Variants in HNF4G observed in about 807,000 individuals in gnomAD.
HNF4G encodes the protein hepatocyte nuclear factor 4 gamma, also known as hepatocyte nuclear factor 4-gamma.
Under a neutral mutation model 50.9 loss-of-function variants are expected in HNF4G, and 21 were observed. That is an observed-to-expected ratio of 0.41 (90% confidence interval 0.29 to 0.59). The LOEUF (loss-of-function observed/expected upper bound fraction) is 0.59, where lower values mean the gene tolerates loss of function less well. Among genes scored for constraint, HNF4G ranks in the 20% least tolerant of loss-of-function variants. The pLI, the probability that HNF4G is intolerant of heterozygous loss-of-function variation, is 0.26. For missense variants in HNF4G, 527 were observed against 559.4 expected, an observed-to-expected ratio of 0.94 and a Z score of 0.58; for synonymous variants, 198 against 185.6, an observed-to-expected ratio of 1.07 and a Z score of -0.54.
chr8:75,528,707 G>C (rs1020336088), intron 2 of HNF4G, among the ~76,000 whole-genome samples: 1 of 149,928 alleles, frequency 6.7e-6, no homozygotes, highest in East Asian at 2.7e-4. Flanking sequence ...TTACCTCTCT[G>C]TTTGGATTTA....
At chr8:75,560,660 G>A (rs1807284794) in intron 9 of HNF4G, among the ~76,000 whole-genome samples, 194 bp downstream of exon 9, 1 of 152,036 alleles carries the variant, frequency 6.6e-6, no homozygotes, top group African/African-American at 2.4e-5. Flanking sequence ...TTCCTAAAAT[G>A]AAAATGAAAG....
At chr8:75,528,200 G>A (rs1806231651) in intron 2 of HNF4G, among the ~76,000 whole-genome samples, 1 of 152,158 alleles carries the variant, frequency 6.6e-6, no homozygotes, top group African/African-American at 2.4e-5. Flanking sequence ...TCTTATCCAT[G>A]TCTTGGTACT....
chr8:75,515,708 T>A (rs543239503), intron 2 of HNF4G, among the ~76,000 whole-genome samples: 1 of 151,692 alleles, frequency 6.6e-6, no homozygotes, highest in South Asian at 2.1e-4. Flanking sequence ...TCTGACTTTT[T>A]CTTCTATTTG....
Position 75,454,025 on chromosome 8 carries a change from TTC to T in HNF4G, c.-143-36037_-143-36036del, listed in dbSNP as rs58676228. 3.7e-3 allele frequency among the ~76,000 whole-genome samples: 493 copies of T among 133,770 alleles called. 6 individuals are homozygous for T. Among genetic ancestry groups the T allele is most frequent in the African/African-American group, 8.2e-3 (287 of 35,142 alleles). The allele number at this position is 133,770 out of a possible 152,430, so 87.8% of individuals were successfully genotyped here. ...TAATTGCTTTATAAGAAGAAGAAATTTCTCTCTCTCTCTCTCTCTCTCTCTCT... is the reference window on the plus strand; with the variant it reads ...TAATTGCTTTATAAGAAGAAGAAATTTCTCTCTCTCTCTCTCTCTCTCTCT... On this transcript the variant is annotated intron_variant, in intron 1 of 10. Transcript: ENST00000354370.
chr8:75,413,876 A>G (rs2130467949), intron 1 of HNF4G, among the ~76,000 whole-genome samples: 1 of 152,256 alleles, frequency 6.6e-6, no homozygotes, highest in East Asian at 1.9e-4. Flanking sequence ...AAAAAAAATA[A>G]AAAAATTATT....
intron 2 of HNF4G, among the ~76,000 whole-genome samples, chr8:75,546,984 C>G (rs534597488): frequency 5.9e-4 from 90 of 152,220 alleles, no homozygotes; most frequent in Middle Eastern, 6.8e-3. Context: ...AACATTTTAA[C>G]CAGCAGTGTA....
rs538326510 is a variant in HNF4G at position 75,432,191 on chromosome 8, A to G, written c.-144+24029A>G. On this transcript the variant is annotated intron_variant, in intron 1 of 10. Coordinates refer to the HNF4G transcript ENST00000354370. ...AGCTTGAGCCCAGGAGGTTGAGGCT[A>G]TAGGTTAAACCATGATTGTACCACC... Among the ~76,000 whole-genome samples the G allele has an allele frequency of 3.3e-5, 5 of 152,168 alleles. No individual in the cohort carries two copies. In the East Asian group the frequency reaches 9.7e-4, roughly 29 times the overall value.
intron 1 of HNF4G, among the ~76,000 whole-genome samples, chr8:75,467,882 G>A (rs1262978618): frequency 6.6e-6 from 1 of 152,010 alleles, no homozygotes; most frequent in Non-Finnish European, 1.5e-5. Context: ...TTGCTAGGAC[G>A]GACTTACAGA....
intron 1 of HNF4G, among the ~76,000 whole-genome samples, chr8:75,463,300 A>G (rs564354666): frequency 6.6e-5 from 10 of 152,270 alleles, no homozygotes; most frequent in African/African-American, 2.4e-4. Context: ...TAGGAAAGTT[A>G]TGATATAAAG....
chr8:75,526,876 C>G (rs897852280), intron 2 of HNF4G: 4 of 152,040 alleles, frequency 2.6e-5, no homozygotes, highest in Non-Finnish European at 5.9e-5. Flanking sequence ...ACGCCATTCT[C>G]CTGCCTCAGC....
At chr8:75,536,799 A>G (rs1236502455), upstream of HNF4G, among the ~76,000 whole-genome samples, 4 of 151,948 alleles carry the variant, frequency 2.6e-5, no homozygotes, top group Non-Finnish European at 4.4e-5. Context: ...CCTAAAATTA[A>G]CTGTAACTTA....
chr8:75,466,159 A>G (rs560660355), intron 1 of HNF4G, among the ~76,000 whole-genome samples: 149 of 152,266 alleles, frequency 9.8e-4, no homozygotes, highest in Non-Finnish European at 1.8e-3. Flanking sequence ...TAAACACCAC[A>G]TTGTCTAACT....
rs749172252 is a variant in HNF4G, at chr8:75,563,966, C to G, written c.1247-9C>G. ...CACCATTAGACTCAATTCTCTGATT[C>G]TTTTTCAGCAACTCCTGAAACCCCA... On this transcript the variant is annotated splice_polypyrimidine_tract_variant and intron_variant, in intron 9 of 9. Coordinates refer to ENST00000396423, the MANE Select transcript of HNF4G (RefSeq NM_004133.5). 6.2e-7 allele frequency: 1 copy of G among 1,612,670 alleles called. No individual in the cohort carries two copies. Among genetic ancestry groups the G allele is most frequent in the East Asian group, 2.2e-5 (1 of 44,854 alleles).
At chr8:75,518,890 A>T (rs1215533135) in intron 2 of HNF4G, among the ~76,000 whole-genome samples, 2 of 152,208 alleles carry the variant, frequency 1.3e-5, no homozygotes, top group African/African-American at 4.8e-5. Flanking sequence ...GCCGGCTTGA[A>T]TTTCTCCTCA....
At position 75,502,178 on chromosome 8, in the gene HNF4G, A is replaced by C. The variant is rs187113708; in HGVS notation, c.-24+11970A>C. On this transcript the variant is annotated intron_variant, in intron 2 of 10. Transcript: ENST00000354370. Reference sequence around the variant, plus strand: ...GAAGTCTATGTTCTTGGTGATTTGCAAGTATTATTAACTATGGTCAGCATT... The same window carrying C: ...GAAGTCTATGTTCTTGGTGATTTGCCAGTATTATTAACTATGGTCAGCATT... 1.4e-3 allele frequency among the ~76,000 whole-genome samples: 219 copies of C among 152,280 alleles called. 1 individual carries two copies. The highest frequency in any genetic ancestry group is 2.2e-3 in the Non-Finnish European group (152 of 68,002).
At position 75,423,269 on chromosome 8, in the gene HNF4G, G is replaced by A. The variant is rs984356358; in HGVS notation, c.-144+15107G>A. Reference sequence around the variant, plus strand: ...ATCCCTCTTCTTTTGGCTTAGCTCTGCCCTTAATAACATTTTACATTAGTT... The same window carrying A: ...ATCCCTCTTCTTTTGGCTTAGCTCTACCCTTAATAACATTTTACATTAGTT... On this transcript the variant is annotated intron_variant, in intron 1 of 10. Coordinates refer to the HNF4G transcript ENST00000354370. Among the ~76,000 whole-genome samples the A allele has an allele frequency of 6.0e-5, 9 of 150,016 alleles. No homozygotes were observed. The East Asian group carries it at 1.8e-3, about 29-fold the overall frequency.
intron 2 of HNF4G, among the ~76,000 whole-genome samples, chr8:75,509,705 T>A (rs1195913766): frequency 6.6e-6 from 1 of 152,190 alleles, no homozygotes; most frequent in Non-Finnish European, 1.5e-5. Flanking sequence ...AGGATTATAA[T>A]GGAGCCAAAA....
At chr8:75,441,021 A>C (rs993421230) in intron 1 of HNF4G, among the ~76,000 whole-genome samples, 1 of 151,954 alleles carries the variant, frequency 6.6e-6, no homozygotes, top group Admixed American at 6.6e-5. Context: ...TGCCCACCTA[A>C]ATTTTAAATT....
intron 1 of HNF4G, among the ~76,000 whole-genome samples, chr8:75,449,050 A>G (rs1811508581): frequency 6.6e-6 from 1 of 152,172 alleles, no homozygotes; most frequent in Non-Finnish European, 1.5e-5. Flanking sequence ...TGTTGCTATA[A>G]TTAAAGGGCC....
Sources: allele counts gnomAD v4.1 joint callset (sites outside exome capture counted in the v4.1 genomes callset), GRCh38; gene constraint gnomAD v4.1.1; transcripts MANE v1.5; gene names NCBI Gene and HGNC (gene_info 2026-07-23, HGNC 2026-07-21).